Variants in JAK1 observed in about 807,000 individuals in gnomAD.
The protein encoded by JAK1 is Janus kinase 1.
JAK1 carries 16 observed loss-of-function variants against 136.6 expected under a neutral mutation model. The ratio of observed to expected loss-of-function variants is 0.12; its 90% CI spans 0.08 to 0.18. JAK1 has a LOEUF of 0.18. JAK1 is among the 10% of genes least tolerant of loss of function. The pLI is 1.00. For synonymous variants in JAK1, 492 were observed against 519.5 expected (o/e 0.95, Z 0.72); for missense variants, 859 against 1,450.1 (o/e 0.59, Z 6.62).
At chr1:65,024,061 C>G (rs1356171180) in intron 2 of JAK1, among the ~76,000 whole-genome samples, 1 of 152,034 alleles carries the variant, frequency 6.6e-6, no homozygotes, top group African/African-American at 2.4e-5. Flanking sequence ...GTTATGAATA[C>G]AAGTACTATG....
At chr1:64,988,604 T>C (rs1646622053) in intron 2 of JAK1, among the ~76,000 whole-genome samples, 1 of 152,108 alleles carries the variant, frequency 6.6e-6, no homozygotes, top group East Asian at 1.9e-4. Flanking sequence ...AATGGGCCAG[T>C]TGCAGTGGTG....
At chr1:64,896,236 C>T (rs976944542) in intron 1 of JAK1, among the ~76,000 whole-genome samples, 1 of 152,240 alleles carries the variant, frequency 6.6e-6, no homozygotes, top group Admixed American at 6.5e-5. Context: ...CTTACATTCA[C>T]AATTCTTTTA....
chr1:64,967,032 C>A (rs1646398926), upstream of JAK1, among the ~76,000 whole-genome samples: 1 of 151,744 alleles, frequency 6.6e-6, no homozygotes, highest in Admixed American at 6.6e-5. Flanking sequence ...GCAGATCCAA[C>A]CCATTCCGTA....
At chr1:65,016,086 A>G (rs1157098326) in intron 2 of JAK1, among the ~76,000 whole-genome samples, 2 of 152,246 alleles carry the variant, frequency 1.3e-5, no homozygotes, top group East Asian at 3.8e-4. Flanking sequence ...GAAATAAGCT[A>G]GATGCAAAAG....
rs1480720952 is a variant in JAK1, at chr1:64,966,489, G to T, written c.-234C>A. ...CGAGGACAGCCGGGACTGGGCGCAG[G>T]CCCGCACTGTCTGCAGCTCCAGGAT... On this transcript the variant is annotated 5_prime_UTR_variant, in exon 1 of 25. Coordinates refer to ENST00000342505, the MANE Select transcript of JAK1 (RefSeq NM_002227.4). The T allele has an allele frequency of 1.3e-5, 2 of 150,772 alleles. No homozygotes were observed. The highest frequency in any genetic ancestry group is 3.0e-5 in the Non-Finnish European group (2 of 67,572). 9.3% of individuals were successfully genotyped at this position (150,772 alleles called of 1,614,324 possible).
chr1:64,964,585 G>A (rs1646339804), intron 1 of JAK1, among the ~76,000 whole-genome samples: 1 of 152,164 alleles, frequency 6.6e-6, no homozygotes, highest in African/African-American at 2.4e-5. Context: ...TAAATAATTA[G>A]TATAGTATGA....
At chr1:64,838,383 ACT>A in intron 21 of JAK1, 80 bp downstream of exon 21, 1 of 1,412,074 alleles carries the variant, frequency 7.1e-7, no homozygotes, top group East Asian at 2.3e-5. Flanking sequence ...AAACTTACCC[ACT>A]TAGAGTCAAA....
intron 2 of JAK1, among the ~76,000 whole-genome samples, chr1:64,988,984 G>GTGTA (rs1481031959): frequency 1.6e-4 from 14 of 87,036 alleles, no homozygotes; most frequent in African/African-American, 6.4e-4. Flanking sequence ...ATATGTATAT[G>GTGTA]TGTGTGTGTG....
chr1:65,029,716 C>T (rs564921301), intron 2 of JAK1, among the ~76,000 whole-genome samples: 3 of 152,102 alleles, frequency 2.0e-5, no homozygotes, highest in Non-Finnish European at 4.4e-5. Flanking sequence ...GAACAGAAAA[C>T]TAGATACCAC....
chr1:64,974,118 A>G (rs955046210), intron 2 of JAK1: 2 of 152,218 alleles, frequency 1.3e-5, no homozygotes, highest in South Asian at 2.1e-4. Context: ...AATTCAATAC[A>G]TAGGTATCAC....
intron 1 of JAK1, among the ~76,000 whole-genome samples, chr1:64,890,339 T>G (rs1213172698): frequency 6.6e-6 from 1 of 151,762 alleles, no homozygotes; most frequent in Non-Finnish European, 1.5e-5. Context: ...AAATGAAAGA[T>G]GAAGGTACAA....
chr1:64,970,627 G>A (rs1646443080), upstream of JAK1, among the ~76,000 whole-genome samples: 1 of 151,942 alleles, frequency 6.6e-6, no homozygotes, highest in Non-Finnish European at 1.5e-5. Flanking sequence ...AGCCAGGCGT[G>A]GTGGCATGCA....
intron 1 of JAK1, among the ~76,000 whole-genome samples, chr1:64,951,899 C>T (rs560251302): frequency 1.4e-4 from 22 of 152,130 alleles, no homozygotes; most frequent in African/African-American, 1.9e-4. Context: ...CCTCGTGATC[C>T]GCCCGCCTCG....
At chr1:64,976,224 C>A (rs939282848) in intron 2 of JAK1, among the ~76,000 whole-genome samples, 1 of 152,212 alleles carries the variant, frequency 6.6e-6, no homozygotes, top group Admixed American at 6.5e-5. Context: ...TGCCTCCTAT[C>A]GCTGCAGGTG....
chr1:65,008,967 T>C (rs1479591612), intron 2 of JAK1, among the ~76,000 whole-genome samples: 2 of 152,196 alleles, frequency 1.3e-5, no homozygotes, highest in East Asian at 1.9e-4. Flanking sequence ...ATTTCAGGCG[T>C]GAGCCACTGC....
chr1:65,002,648 G>T (rs1393729667), intron 2 of JAK1, among the ~76,000 whole-genome samples: 6 of 152,242 alleles, frequency 3.9e-5, no homozygotes, highest in Non-Finnish European at 8.8e-5. Context: ...AGGCTTCCGC[G>T]GAGCCAGCTG....
chr1:64,913,111 C>T (rs1321196663), intron 1 of JAK1, among the ~76,000 whole-genome samples: 1 of 152,146 alleles, frequency 6.6e-6, no homozygotes, highest in Admixed American at 6.5e-5. Flanking sequence ...CTTGGCCTCC[C>T]AGGCTCAATG....
chr1:64,839,468 TGA>T, intron 20 of JAK1, 133 bp downstream of exon 20: 1 of 731,926 alleles, frequency 1.4e-6, no homozygotes, highest in Non-Finnish European at 2.2e-6. Flanking sequence ...TTGGAAGCCT[TGA>T]GAGTGTGTGG....
intron 1 of JAK1, among the ~76,000 whole-genome samples, chr1:64,932,418 A>C (rs1233334514): frequency 6.6e-6 from 1 of 152,198 alleles, no homozygotes; most frequent in African/African-American, 2.4e-5. Flanking sequence ...TCTCAAAAAA[A>C]TAATTAAATA....
Sources: allele counts gnomAD v4.1 joint callset (sites outside exome capture counted in the v4.1 genomes callset), GRCh38; gene constraint gnomAD v4.1.1; transcripts MANE v1.5; gene names NCBI Gene and HGNC (gene_info 2026-07-23, HGNC 2026-07-21).